The following MRAP2 variants were observed in gnomAD, a reference collection of about 807,000 sequenced individuals.
The protein encoded by MRAP2 is melanocortin 2 receptor accessory protein 2.
Under a neutral mutation model 17.4 loss-of-function variants are expected in MRAP2, and 20 were observed. That is an observed-to-expected ratio of 1.15 (90% confidence interval 0.81 to 1.67). MRAP2 has a LOEUF of 1.67. MRAP2 is among the 40% of genes most tolerant of loss of function. The pLI is 0.00. For missense variants in MRAP2, 238 were observed against 240.0 expected, an observed-to-expected ratio of 0.99 and a Z score of 0.05; for synonymous variants, 96 against 88.4, an observed-to-expected ratio of 1.09 and a Z score of -0.48.
At chr6:84,085,565 C>A (rs1318479662) in intron 3 of MRAP2, among the ~76,000 whole-genome samples, 1 of 152,102 alleles carries the variant, frequency 6.6e-6, no homozygotes, top group African/African-American at 2.4e-5. Context: ...TTTATTTTTG[C>A]TCTTGAAAGA....
chr6:84,137,049 C>T, the MRAP2 span, among the ~76,000 whole-genome samples: 5 of 152,308 alleles, frequency 3.3e-5, no homozygotes, highest in East Asian at 9.6e-4. Context: ...TAAGAGATAT[C>T]GGTTCTTGTG....
At chr6:84,078,915 T>C (rs2099498281) in intron 3 of MRAP2, among the ~76,000 whole-genome samples, 1 of 152,222 alleles carries the variant, frequency 6.6e-6, no homozygotes. Flanking sequence ...TATAGCAACA[T>C]GAAACGGACT....
At chr6:84,050,741 C>T (rs1441606060) in intron 1 of MRAP2, among the ~76,000 whole-genome samples, 2 of 152,200 alleles carry the variant, frequency 1.3e-5, no homozygotes, top group Admixed American at 6.5e-5. Context: ...ACCTTTCTGG[C>T]CTGGGCCAGA....
chr6:84,065,799 T>C (rs1223794894), intron 3 of MRAP2, among the ~76,000 whole-genome samples: 1 of 152,192 alleles, frequency 6.6e-6, no homozygotes, highest in Non-Finnish European at 1.5e-5. Context: ...ATTAAGCAGA[T>C]TACCCTCCAT....
At chr6:84,049,750 A>G (rs2497151) in intron 1 of MRAP2, among the ~76,000 whole-genome samples, 1 of 152,010 alleles carries the variant, frequency 6.6e-6, no homozygotes, top group East Asian at 1.9e-4. Context: ...ACTTTTGGTT[A>G]GCTGTCTTGC....
chr6:84,034,206 G>GCGGC (rs1219259428), intron 1 of MRAP2, among the ~76,000 whole-genome samples: 4 of 151,970 alleles, frequency 2.6e-5, no homozygotes, highest in Non-Finnish European at 5.9e-5. Flanking sequence ...CTGGGCCCCA[G>GCGGC]CGGCCGAGGC....
chr6:84,069,962 G>A (rs2099495783), intron 3 of MRAP2, among the ~76,000 whole-genome samples: 1 of 151,790 alleles, frequency 6.6e-6, no homozygotes, highest in South Asian at 2.1e-4. Flanking sequence ...TTTTAATGAG[G>A]TTATTTGGAT....
chr6:84,075,380 C>G (rs891223525), intron 3 of MRAP2, among the ~76,000 whole-genome samples: 1 of 152,178 alleles, frequency 6.6e-6, no homozygotes, highest in African/African-American at 2.4e-5. Flanking sequence ...CATCACCCTT[C>G]TTAAAAGCTT....
At chr6:84,037,283 T>C (rs112089660) in intron 1 of MRAP2, among the ~76,000 whole-genome samples, 1,890 of 133,464 alleles carry the variant, frequency 0.014, 45 homozygotes, top group African/African-American at 0.049. Context: ...ATTAGCTAGA[T>C]ACAGAGTGCT....
chr6:84,092,840 A>T (rs1056423857), downstream of MRAP2, among the ~76,000 whole-genome samples: 1 of 152,200 alleles, frequency 6.6e-6, no homozygotes, highest in Non-Finnish European at 1.5e-5. Context: ...GTGCAGTTCA[A>T]CCCTATGTTG....
At chr6:84,124,970 CAT>C in the MRAP2 span, 1 of 883,830 alleles carries the variant, frequency 1.1e-6, no homozygotes, top group Admixed American at 2.8e-5. Flanking sequence ...TTTCTGGAAA[CAT>C]ATTGGAACAC....
At chr6:84,140,604 A>C in the MRAP2 span, among the ~76,000 whole-genome samples, 1 of 152,014 alleles carries the variant, frequency 6.6e-6, no homozygotes, top group Non-Finnish European at 1.5e-5. Flanking sequence ...CAGCTCACTG[A>C]AGCCTTGAAC....
At chr6:84,128,146 G>T in the MRAP2 span, among the ~76,000 whole-genome samples, 1 of 152,146 alleles carries the variant, frequency 6.6e-6, no homozygotes, top group Non-Finnish European at 1.5e-5. Flanking sequence ...AATTATTCAT[G>T]AATTAATTAG....
At chr6:84,111,588 C>G in the MRAP2 span, among the ~76,000 whole-genome samples, 5 of 152,048 alleles carry the variant, frequency 3.3e-5, no homozygotes, top group Admixed American at 6.5e-5. Context: ...ATTTGAATAC[C>G]GTTTATTTCT....
chr6:84,055,137 T>C (rs2099491369), intron 1 of MRAP2, among the ~76,000 whole-genome samples, 175 bp from the exon 2 acceptor site: 1 of 152,196 alleles, frequency 6.6e-6, no homozygotes, highest in South Asian at 2.1e-4. Context: ...AAGGAAGTAG[T>C]GGCCACATGA....
intron 1 of MRAP2, among the ~76,000 whole-genome samples, chr6:84,040,298 A>AATTAAACCTCTTTCC (rs2099487189): frequency 6.6e-6 from 1 of 152,334 alleles, no homozygotes; most frequent in African/African-American, 2.4e-5. Context: ...GCTGTGAGTC[A>AATTAAACCTCTTTCC]ATTAAACCTC....
At chr6:84,084,184 C>G (rs540080841) in intron 3 of MRAP2, among the ~76,000 whole-genome samples, 21 of 152,174 alleles carry the variant, frequency 1.4e-4, no homozygotes, top group African/African-American at 4.8e-4. Flanking sequence ...AAAATAAAAT[C>G]TTCAAATGGC....
intron 3 of MRAP2, among the ~76,000 whole-genome samples, chr6:84,084,242 G>A (rs993129297): frequency 6.6e-6 from 1 of 152,116 alleles, no homozygotes; most frequent in African/African-American, 2.4e-5. Flanking sequence ...GGTCTGGTTT[G>A]CTTGACTAGT....
chr6:84,061,828 G>A (rs2099493248), intron 2 of MRAP2: 1 of 985,326 alleles, frequency 1.0e-6, no homozygotes, highest in Admixed American at 6.1e-5. Flanking sequence ...TTTCTCAGAT[G>A]TCAGACATTG....
Sources: gnomAD v4.1 joint callset for allele counts (sites outside exome capture counted in the v4.1 genomes callset) on GRCh38, gnomAD v4.1.1 for gene constraint, MANE v1.5 for transcripts, NCBI Gene and HGNC (gene_info 2026-07-23, HGNC 2026-07-21) for gene names.